The following OR8D1 variants were observed in gnomAD, a reference collection of about 807,000 sequenced individuals.
The protein encoded by OR8D1 is olfactory receptor 8D1.
For missense variants in OR8D1, 384 were observed against 366.8 expected, an observed-to-expected ratio of 1.05 and a Z score of -0.38; for synonymous variants, 143 against 147.0, an observed-to-expected ratio of 0.97 and a Z score of 0.20.
intron 1 of OR8D1, among the ~76,000 whole-genome samples, chr11:124,313,389 T>C (rs1394276812): frequency 6.6e-6 from 1 of 151,980 alleles, no homozygotes; most frequent in Non-Finnish European, 1.5e-5. Flanking sequence ...TGTAGGATGG[T>C]GTGCAAGAAG....
At position 124,313,309 on chromosome 11, in the gene OR8D1, AG is replaced by A. The variant is rs1484603836; in HGVS notation, c.-122+411del. 9.5e-3 allele frequency among the ~76,000 whole-genome samples: 1,407 copies of A among 147,528 alleles called. 27 individuals are homozygous for A. Among genetic ancestry groups the A allele is most frequent in the African/African-American group, 0.035 (1,314 of 37,338 alleles). ...AAGAAAAAAGGAAGGAAGGAAAGAAAGAAAAGAAAGAGAAAAAGGAAAGAAA... is the reference window on the plus strand; with the variant it reads ...AAGAAAAAAGGAAGGAAGGAAAGAAAAAAAGAAAGAGAAAAAGGAAAGAAA... On this transcript the variant is annotated intron_variant, in intron 1 of 2. Transcript: ENST00000641015.
At position 124,310,328 on chromosome 11, in the gene OR8D1, C is replaced by T. The variant is rs370123664; in HGVS notation, c.439G>A (p.Ala147Thr). The T allele has an allele frequency of 4.3e-5, 70 of 1,613,616 alleles. No individual in the cohort carries two copies. The Middle Eastern group carries it at 4.9e-4, about 11-fold the overall frequency. Residue 147 changes from alanine (A) to threonine (T), a missense_variant, in exon 3 of 3, where the codon GCT becomes ACT. Physicochemically the swap from Ala to Thr is moderately conservative, Grantham distance 58. Transcript: ENST00000641015. ...SSWVCSLLVL[A>T]AFFLGFLSAL... ...GAGAGAAAGCCCAAGAAGAAGGCAG[C>T]CAGCACTAGCAGTGAGCAGACCCAT...
Position 124,310,166 on chromosome 11 carries a change from T to G in OR8D1, c.601A>C (p.Ile201Leu). 1 of 1,613,586 alleles carries G rather than the reference T, an allele frequency of 6.2e-7. No individual in the cohort carries two copies. Among genetic ancestry groups the G allele is most frequent in the East Asian group, 2.2e-5 (1 of 44,744 alleles). Residue 201 changes from isoleucine to leucine, a missense_variant, in exon 3 of 3, where the codon ATC (isoleucine) becomes CTC (leucine). Coordinates refer to ENST00000641015, the MANE Select transcript of OR8D1 (RefSeq NM_001002917.2). ...ACCAAGGTGTTAAACCCCGCAATGA[T>G]AAAAAGTAGAAGCTCATTGAGGTGT... ...NTHLNELLLFIIAGFNTLVPT... is the reference protein window; with the variant it reads ...NTHLNELLLFLIAGFNTLVPT...
chr11:124,309,719 A>G lies in OR8D1; in HGVS notation c.*121T>C. On this transcript the variant is annotated 3_prime_UTR_variant, in exon 3 of 3. Transcript: ENST00000641015. The stretch of plus-strand genomic sequence containing the variant: ...AAGTTGAATCAATCATAGATGGGAA[A>G]GTATTTTTAAAATCTAGATATTATG... 10 of 491,898 alleles carry G rather than the reference A, an allele frequency of 2.0e-5. No homozygotes were observed. Among genetic ancestry groups the G allele is most frequent in the Non-Finnish European group, 3.4e-6 (1 of 295,122 alleles). 30.5% of individuals were successfully genotyped at this position (491,898 alleles called of 1,614,324 possible).
chr11:124,310,835 C>G, intron 2 of OR8D1, 53 bp from the exon 3 acceptor site: 1 of 1,175,746 alleles, frequency 8.5e-7, no homozygotes, highest in South Asian at 1.4e-5. Context: ...ACTGCTCTTC[C>G]AAACAAAACC....
Position 124,304,564 on chromosome 11 carries a change from A to T in OR8D1, c.*5276T>A, listed in dbSNP as rs182155797. ...CAACATGTAAAATTTGAGAGATGCC[A>T]TTTCTCTGAATCCTCTCCAATACTG... On this transcript the variant is annotated 3_prime_UTR_variant, in exon 3 of 3. Transcript: ENST00000641015. The T allele has an allele frequency of 2.6e-5, 4 of 151,930 alleles. No homozygotes were observed. Among genetic ancestry groups the T allele is most frequent in the African/African-American group, 9.7e-5 (4 of 41,416 alleles). 9.4% of individuals were successfully genotyped at this position (151,930 alleles called of 1,614,324 possible).
chr11:124,306,598 T>G lies in OR8D1; in HGVS notation c.*3242A>C, dbSNP rs1019696222. On this transcript the variant is annotated 3_prime_UTR_variant, in exon 3 of 3. Transcript: ENST00000641015. Reference sequence around the variant, plus strand: ...ATCCTAATAGTGTGCTGATGAGGGTTTTTTCAGCAGAAAAAGGATTTTGTG... The same window carrying G: ...ATCCTAATAGTGTGCTGATGAGGGTGTTTTCAGCAGAAAAAGGATTTTGTG... 1 of 151,834 alleles carries G rather than the reference T, an allele frequency of 6.6e-6. No individual in the cohort carries two copies. The highest frequency in any genetic ancestry group is 2.4e-5 in the African/African-American group (1 of 41,386). 9.4% of individuals were successfully genotyped at this position (151,834 alleles called of 1,614,324 possible). A position where few individuals can be genotyped will look rare whatever the true frequency, so the allele number is the denominator to read the frequency against.
chr11:124,310,227 A>T lies in OR8D1; in HGVS notation c.540T>A (p.Asp180Glu). ...KSHIINHYFC[D>E]VLPLLNLSCS... ...AGGAGAGATTGAGGAGGGGAAGAAC[A>T]TCACAGAAGTAATGGTTGATAATGT... Residue 180 changes from aspartate (D) to glutamate (E), a missense_variant, in exon 3 of 3, where the codon GAT (aspartate) becomes GAA (glutamate). By Grantham distance (45) the Asp-to-Glu change is conservative. Transcript: ENST00000641015. 6.2e-7 allele frequency: 1 copy of T among 1,613,884 alleles called. No individual in the cohort carries two copies. The highest frequency in any genetic ancestry group is 2.2e-5 in the East Asian group (1 of 44,788).
In OR8D1 at chr11:124,309,519, A is replaced by G. The variant is rs983852352; in HGVS notation, c.*321T>C. 6.1e-6 allele frequency: 1 copy of G among 163,774 alleles called. No homozygotes were observed. The highest frequency in any genetic ancestry group is 2.4e-5 in the African/African-American group (1 of 41,850). 10.1% of individuals were successfully genotyped at this position (163,774 alleles called of 1,614,324 possible). Reference sequence around the variant, plus strand: ...AGTACCTCCCACATAGCAAGTATTCAACAAGCAAACATGGGATATTAGGAA... The same window carrying G: ...AGTACCTCCCACATAGCAAGTATTCGACAAGCAAACATGGGATATTAGGAA... On this transcript the variant is annotated 3_prime_UTR_variant, in exon 3 of 3. Transcript: ENST00000641015.
chr11:124,310,543 GAGGAAT>G lies in OR8D1; in HGVS notation c.218_223del (p.Tyr73_Ser74del), dbSNP rs1479399606. The stretch of plus-strand genomic sequence containing the variant: ...CACCAGCATTTTGGGAGTAATGACA[GAGGAAT>G]AGCAGAAATCGACGAAGGACAAGCT... On this transcript the variant is annotated inframe_deletion, in exon 3 of 3. Transcript: ENST00000641015. The G allele has an allele frequency of 1.2e-6, 2 of 1,613,692 alleles. No individual in the cohort carries two copies. The highest frequency in any genetic ancestry group is 2.7e-5 in the African/African-American group (2 of 74,916).
At chr11:124,313,298 GAAGGAAAGAAAGAAAAGAAAGAGAAA>G (rs1294394235) in intron 1 of OR8D1, among the ~76,000 whole-genome samples, 3 of 144,732 alleles carry the variant, frequency 2.1e-5, no homozygotes, top group Admixed American at 1.4e-4. Flanking sequence ...AAAAAGGAAG[GAAGGAAAGAAAGAAAAGAAAGAGAAA>G]AAGGAAAGAA....
In OR8D1 at chr11:124,310,192, G is replaced by T; in HGVS notation, c.575C>A (p.Thr192Lys). ...AAAAAGTAGAAGCTCATTGAGGTGT[G>T]TGTTGGAGCAGGAGAGATTGAGGAG... Reference protein sequence around the residue: ...LPLLNLSCSNTHLNELLLFII... With the variant: ...LPLLNLSCSNKHLNELLLFII... Residue 192 changes from threonine to lysine, a missense_variant, in exon 3 of 3, where the codon ACA (threonine) becomes AAA (lysine). Transcript: ENST00000641015. 1.2e-6 allele frequency: 2 copies of T among 1,613,752 alleles called. No homozygotes were observed. The highest frequency in any genetic ancestry group is 1.7e-6 in the Non-Finnish European group (2 of 1,179,864).
rs755769602 is a variant in OR8D1, at chr11:124,310,267, G to A, written c.500C>T (p.Ser167Phe). 1 of 1,613,752 alleles carries A rather than the reference G, an allele frequency of 6.2e-7. No individual in the cohort carries two copies. The highest frequency in any genetic ancestry group is 2.2e-5 in the East Asian group (1 of 44,794). Residue 167 changes from serine to phenylalanine, a missense_variant, in exon 3 of 3, where the codon TCC becomes TTC. Ser to Phe is a radical substitution (Grantham distance 155). Coordinates refer to ENST00000641015, the MANE Select transcript of OR8D1 (RefSeq NM_001002917.2). ...LTHTSAMMKL[S>F]FCKSHIINHY... ...GTTGATAATGTGGGATTTGCAAAAGGACAGTTTCATCATGGCACTTGTATG... is the reference window on the plus strand; with the variant it reads ...GTTGATAATGTGGGATTTGCAAAAGAACAGTTTCATCATGGCACTTGTATG...
rs1357316330 is a variant in OR8D1 at position 124,304,108 on chromosome 11, G to GT, written c.*5731dup. On this transcript the variant is annotated 3_prime_UTR_variant, in exon 3 of 3. Coordinates refer to ENST00000641015, the MANE Select transcript of OR8D1 (RefSeq NM_001002917.2). ...TGAACTCTAAACTATTTGTTATCTG[G>GT]TTTTTTAGAGAAAACATGTCAGTCT... The GT allele has an allele frequency of 1.3e-5, 2 of 151,856 alleles. No homozygotes were observed. The highest frequency in any genetic ancestry group is 2.9e-5 in the Non-Finnish European group (2 of 67,892). 9.4% of individuals were successfully genotyped at this position (151,856 alleles called of 1,614,324 possible).
In OR8D1 at chr11:124,305,940, T is replaced by C. The variant is rs1862365540; in HGVS notation, c.*3900A>G. ...TCATGCCCGTCTTCTTAACTTACTA[T>C]ATACTTTGCATATTGTCCCTGCCAG... On this transcript the variant is annotated 3_prime_UTR_variant, in exon 3 of 3. Transcript: ENST00000641015. 6.6e-6 allele frequency: 1 copy of C among 151,940 alleles called. No individual in the cohort carries two copies. The highest frequency in any genetic ancestry group is 2.1e-4 in the South Asian group (1 of 4,830). 9.4% of individuals were successfully genotyped at this position (151,940 alleles called of 1,614,324 possible). A position where few individuals can be genotyped will look rare whatever the true frequency, so the allele number is the denominator to read the frequency against.
rs1862348254 is a variant in OR8D1, at chr11:124,304,265, A to G, written c.*5575T>C. 1 of 151,964 alleles carries G rather than the reference A, an allele frequency of 6.6e-6. No individual in the cohort carries two copies. The highest frequency in any genetic ancestry group is 1.5e-5 in the Non-Finnish European group (1 of 67,924). The allele number at this position is 151,964 out of a possible 1,614,324, so 9.4% of individuals were successfully genotyped here. A position where few individuals can be genotyped will look rare whatever the true frequency, so the allele number is the denominator to read the frequency against. On this transcript the variant is annotated 3_prime_UTR_variant, in exon 3 of 3. Coordinates refer to ENST00000641015, the MANE Select transcript of OR8D1 (RefSeq NM_001002917.2). ...ACAGGTTTATATTGCCTATTCTTGC[A>G]CTTGAAATAAATTGATTTATACTGT...
intron 1 of OR8D1, among the ~76,000 whole-genome samples, chr11:124,312,616 C>G (rs1394664854): frequency 1.3e-5 from 2 of 149,746 alleles, no homozygotes; most frequent in African/African-American, 4.9e-5. Flanking sequence ...CTCCCAGATT[C>G]AAGCAATTCT....
chr11:124,312,990 A>G (rs1463584402), intron 1 of OR8D1, among the ~76,000 whole-genome samples: 1 of 151,410 alleles, frequency 6.6e-6, no homozygotes, highest in African/African-American at 2.4e-5. Context: ...CCTTGCCAAC[A>G]TGGTGAAACC....
In OR8D1 at chr11:124,310,366, G is replaced by C. The variant is rs767958666; in HGVS notation, c.401C>G (p.Ala134Gly). ...VAICSPLLYNAIMSSWVCSLL... is the reference protein window; with the variant it reads ...VAICSPLLYNGIMSSWVCSLL... ...TGAGCAGACCCATGAGGACATGATCGCATTATAAAGCAGTGGGCTACAGAT... is the reference window on the plus strand; with the variant it reads ...TGAGCAGACCCATGAGGACATGATCCCATTATAAAGCAGTGGGCTACAGAT... Residue 134 changes from alanine (A) to glycine (G), a missense_variant, in exon 3 of 3, where the codon GCG becomes GGG. Ala to Gly is a moderately conservative substitution (Grantham distance 60). Coordinates refer to ENST00000641015, the MANE Select transcript of OR8D1 (RefSeq NM_001002917.2). 2.5e-6 allele frequency: 4 copies of C among 1,613,424 alleles called. No homozygotes were observed. Among genetic ancestry groups the C allele is most frequent in the Non-Finnish European group, 2.5e-6 (3 of 1,179,844 alleles).
Sources: allele counts gnomAD v4.1 joint callset (sites outside exome capture counted in the v4.1 genomes callset), GRCh38; gene constraint gnomAD v4.1.1; transcripts MANE v1.5; gene names NCBI Gene and HGNC (gene_info 2026-07-23, HGNC 2026-07-21).